Variants in EXOC6B observed in about 807,000 individuals in gnomAD.
EXOC6B encodes exocyst complex component 6B, also known as SEC15 homolog B.
In EXOC6B, 54 loss-of-function variants were observed where a neutral mutation model predicts 113.5. That is an observed-to-expected ratio of 0.48 (90% confidence interval 0.38 to 0.60). The LOEUF is 0.60. Among genes scored for constraint, EXOC6B ranks in the 20% least tolerant of loss-of-function variants. The pLI, the probability that EXOC6B is intolerant of heterozygous loss-of-function variation, is 0.00. For synonymous variants in EXOC6B, 357 were observed against 339.0 expected, an observed-to-expected ratio of 1.05 and a Z score of -0.58; for missense variants, 797 against 977.5, an observed-to-expected ratio of 0.82 and a Z score of 2.46.
At chr2:72,372,662 G>T (rs546041070) in intron 19 of EXOC6B, among the ~76,000 whole-genome samples, 2 of 152,136 alleles carry the variant, frequency 1.3e-5, no homozygotes, top group African/African-American at 2.4e-5. Flanking sequence ...TGGCTAACAT[G>T]GTGAAACGCT....
intron 1 of EXOC6B, among the ~76,000 whole-genome samples, chr2:72,768,702 T>C (rs1408243041): frequency 6.6e-6 from 1 of 151,978 alleles, no homozygotes; most frequent in Admixed American, 6.6e-5. Flanking sequence ...TTTATCATTG[T>C]ATAATTGTGC....
chr2:72,179,554 C>A, intron 21 of EXOC6B, 93 bp from the exon 22 acceptor site: 1 of 1,414,506 alleles, frequency 7.1e-7, no homozygotes, highest in Non-Finnish European at 9.9e-7. Flanking sequence ...TGCATCTTAA[C>A]CACTACCCAG....
intron 6 of EXOC6B, among the ~76,000 whole-genome samples, chr2:72,622,221 T>A (rs1671791410): frequency 6.7e-6 from 1 of 149,514 alleles, no homozygotes; most frequent in Non-Finnish European, 1.5e-5. Context: ...TTTAAAAAAC[T>A]GATGAAGTAC....
chr2:72,703,946 A>G (rs1678635007), intron 6 of EXOC6B, among the ~76,000 whole-genome samples: 1 of 152,042 alleles, frequency 6.6e-6, no homozygotes, highest in Admixed American at 6.6e-5. Flanking sequence ...CCTGGCCAGA[A>G]CTTCCAACAC....
chr2:72,196,828 G>T (rs914126062), intron 20 of EXOC6B, among the ~76,000 whole-genome samples: 1 of 152,108 alleles, frequency 6.6e-6, no homozygotes, highest in Non-Finnish European at 1.5e-5. Context: ...AATTTAACGA[G>T]CCACTTCAAG....
At chr2:72,314,210 C>T (rs985676227) in intron 20 of EXOC6B, among the ~76,000 whole-genome samples, 7 of 152,142 alleles carry the variant, frequency 4.6e-5, no homozygotes, top group Non-Finnish European at 8.8e-5. Context: ...CTCTTCCTGG[C>T]ATACTGACAC....
intron 5 of EXOC6B, among the ~76,000 whole-genome samples, chr2:72,719,069 T>C (rs1027801378): frequency 6.6e-6 from 1 of 152,166 alleles, no homozygotes; most frequent in Admixed American, 6.5e-5. Context: ...TGTTTATTCA[T>C]AATAACTGCT....
intron 20 of EXOC6B, among the ~76,000 whole-genome samples, chr2:72,308,508 G>A (rs1401070005): frequency 1.3e-5 from 2 of 152,178 alleles, no homozygotes; most frequent in Non-Finnish European, 2.9e-5. Context: ...CTACTGAGAA[G>A]ACACCTGTAA....
intron 1 of EXOC6B, among the ~76,000 whole-genome samples, chr2:72,819,768 G>A (rs1201813158): frequency 1.3e-5 from 2 of 152,152 alleles, no homozygotes; most frequent in African/African-American, 2.4e-5. Flanking sequence ...AGAAAAAAGA[G>A]AGAGAGAGAG....
intron 19 of EXOC6B, among the ~76,000 whole-genome samples, chr2:72,371,719 A>G (rs1031202854): frequency 1.3e-5 from 2 of 152,222 alleles, no homozygotes; most frequent in African/African-American, 4.8e-5. Context: ...ATCCATAGCT[A>G]GTATCATACT....
At chr2:72,805,076 C>G (rs1168202032) in intron 1 of EXOC6B, among the ~76,000 whole-genome samples, 1 of 152,158 alleles carries the variant, frequency 6.6e-6, no homozygotes, top group Non-Finnish European at 1.5e-5. Flanking sequence ...AGAAATTTCT[C>G]TCCTCCTATC....
At chr2:72,459,462 T>C (rs1425576340) in intron 18 of EXOC6B, among the ~76,000 whole-genome samples, 5 of 152,312 alleles carry the variant, frequency 3.3e-5, no homozygotes, top group African/African-American at 9.6e-5. Context: ...AAACCCATTG[T>C]CTCAGCCCAA....
intron 20 of EXOC6B, among the ~76,000 whole-genome samples, chr2:72,254,401 AAG>A (rs1471579759): frequency 2.0e-5 from 3 of 152,190 alleles, no homozygotes; most frequent in African/African-American, 4.8e-5. Flanking sequence ...GAGACAAGGA[AAG>A]AGTCTCCCTT....
At chr2:72,405,204 G>C (rs539583014) in intron 18 of EXOC6B, among the ~76,000 whole-genome samples, 1 of 152,278 alleles carries the variant, frequency 6.6e-6, no homozygotes, top group Admixed American at 6.5e-5. Context: ...GGACTATGTG[G>C]AAAGACCAAA....
intron 6 of EXOC6B, among the ~76,000 whole-genome samples, chr2:72,626,759 G>A (rs867523764): frequency 1.3e-5 from 2 of 152,172 alleles, no homozygotes; most frequent in East Asian, 1.9e-4. Flanking sequence ...TGAGAAGGAA[G>A]AGCGTTTTCC....
At chr2:72,478,976 G>C (rs925960868) in intron 17 of EXOC6B, among the ~76,000 whole-genome samples, 6 of 152,126 alleles carry the variant, frequency 3.9e-5, no homozygotes, top group African/African-American at 1.4e-4. Flanking sequence ...GCTAGTATTT[G>C]AGAGTAATTA....
chr2:72,364,480 C>A (rs1161967799), intron 19 of EXOC6B, among the ~76,000 whole-genome samples: 1 of 152,120 alleles, frequency 6.6e-6, no homozygotes, highest in East Asian at 1.9e-4. Context: ...AAGGTTATTA[C>A]AAATACCAAA....
At chr2:72,257,278 T>G (rs758112637) in intron 20 of EXOC6B, among the ~76,000 whole-genome samples, 13 of 152,214 alleles carry the variant, frequency 8.5e-5, no homozygotes, top group Non-Finnish European at 1.3e-4. Flanking sequence ...TATCTTTGTT[T>G]CTTAGCAAAG....
intron 18 of EXOC6B, among the ~76,000 whole-genome samples, chr2:72,397,498 T>C (rs1692799054): frequency 6.6e-6 from 1 of 151,368 alleles, no homozygotes; most frequent in Non-Finnish European, 1.5e-5. Context: ...CATGCGTCTA[T>C]AGTCCCAGCT....
Sources: gnomAD v4.1 joint callset for allele counts (sites outside exome capture counted in the v4.1 genomes callset) on GRCh38, gnomAD v4.1.1 for gene constraint, MANE v1.5 for transcripts, NCBI Gene and HGNC (gene_info 2026-07-23, HGNC 2026-07-21) for gene names.